Variants in NEXMIF observed in about 807,000 individuals in gnomAD.
NEXMIF encodes neurite extension and migration factor.
NEXMIF carries 8 observed loss-of-function variants against 62.1 expected under a neutral mutation model. The ratio of observed to expected loss-of-function variants is 0.13; its 90% CI spans 0.08 to 0.23. The LOEUF is 0.23. NEXMIF is among the 10% of genes least tolerant of loss of function. The pLI is 1.00. For synonymous variants in NEXMIF, 404 were observed against 416.6 expected (o/e 0.97, Z 0.37); for missense variants, 976 against 1,113.3 (o/e 0.88, Z 1.75).
chrX:74,913,247 A>G (rs944692278), intron 1 of NEXMIF, among the ~76,000 whole-genome samples: 1 of 112,263 alleles, frequency 8.9e-6, no homozygotes, highest in African/African-American at 3.2e-5. Flanking sequence ...TCTCATAAAT[A>G]TAATAATCAA....
At chrX:74,792,219 C>T (rs1397478656) in intron 1 of NEXMIF, among the ~76,000 whole-genome samples, 1 of 111,504 alleles carries the variant, frequency 9.0e-6, no homozygotes, top group Non-Finnish European at 1.9e-5. Flanking sequence ...TTTCTGCCTT[C>T]ATTTCGTTAT....
chrX:74,819,393 T>A (rs1309680240), intron 1 of NEXMIF, among the ~76,000 whole-genome samples: 1 of 111,584 alleles, frequency 9.0e-6, no homozygotes, highest in Non-Finnish European at 1.9e-5. Flanking sequence ...TCAGAGTGAA[T>A]AGGCAACCTA....
chrX:74,850,033 G>T (rs1019676551), intron 1 of NEXMIF, among the ~76,000 whole-genome samples: 1 of 112,315 alleles, frequency 8.9e-6, no homozygotes, highest in African/African-American at 3.2e-5. Context: ...CCACACATAT[G>T]ACTGAGGATT....
At chrX:74,786,623 A>G (rs2080260879) in intron 1 of NEXMIF, among the ~76,000 whole-genome samples, 1 of 111,606 alleles carries the variant, frequency 9.0e-6, no homozygotes, top group Admixed American at 9.5e-5. Flanking sequence ...AATCCAGCAC[A>G]TTCCCCCACA....
intron 1 of NEXMIF, among the ~76,000 whole-genome samples, chrX:74,872,177 C>T (rs1039453959): frequency 9.9e-5 from 11 of 111,125 alleles, no homozygotes; most frequent in Admixed American, 2.9e-4. Flanking sequence ...CCGGTCCCCC[C>T]GTTCAGGGTC....
At chrX:74,882,680 C>A in intron 1 of NEXMIF, among the ~76,000 whole-genome samples, 1 of 112,173 alleles carries the variant, frequency 8.9e-6, no homozygotes, top group Non-Finnish European at 1.9e-5. Context: ...CATCACAGCT[C>A]AAAGAGGCCT....
intron 1 of NEXMIF, among the ~76,000 whole-genome samples, chrX:74,896,882 G>A (rs969532834): frequency 6.2e-5 from 7 of 112,018 alleles, no homozygotes; most frequent in African/African-American, 1.6e-4. Flanking sequence ...CCTAATATCC[G>A]CAGCAAGCAA....
At chrX:74,845,299 AC>A (rs1330157357) in intron 1 of NEXMIF, among the ~76,000 whole-genome samples, 2 of 111,657 alleles carry the variant, frequency 1.8e-5, no homozygotes, top group Non-Finnish European at 3.8e-5. Flanking sequence ...TGTGTTGTTT[AC>A]CCTTTTTAGA....
intron 1 of NEXMIF, among the ~76,000 whole-genome samples, chrX:74,766,060 G>A (rs1368722008): frequency 9.9e-6 from 1 of 100,607 alleles, no homozygotes; most frequent in African/African-American, 3.5e-5. Context: ...AAAAAAAAAT[G>A]TTGAATATAG....
At chrX:74,872,371 A>C (rs1213556045) in intron 1 of NEXMIF, among the ~76,000 whole-genome samples, 3 of 106,864 alleles carry the variant, frequency 2.8e-5, no homozygotes, top group African/African-American at 1.0e-4. Context: ...GAAGCTAAAA[A>C]TCAAAATAAT....
intron 1 of NEXMIF, among the ~76,000 whole-genome samples, chrX:74,751,828 TCCTTCCCTTCCTTCCCTC>T (rs1197900802): frequency 3.2e-5 from 3 of 93,011 alleles, no homozygotes; most frequent in African/African-American, 1.2e-4. Flanking sequence ...TTCCTTCCCT[TCCTTCCCTTCCTTCCCTC>T]CTTCCTTCCT....
At chrX:74,879,620 T>C (rs2080654686) in intron 1 of NEXMIF, among the ~76,000 whole-genome samples, 1 of 112,053 alleles carries the variant, frequency 8.9e-6, no homozygotes, top group African/African-American at 3.2e-5. Context: ...TAAAGACCAC[T>C]CCCATTTCAA....
At chrX:74,840,140 T>C (rs2080469450) in intron 1 of NEXMIF, among the ~76,000 whole-genome samples, 1 of 112,165 alleles carries the variant, frequency 8.9e-6, no homozygotes, top group Non-Finnish European at 1.9e-5. Context: ...CATTGTGGTT[T>C]TGATTTGCAT....
At chrX:74,780,530 G>T (rs1410821964) in intron 1 of NEXMIF, among the ~76,000 whole-genome samples, 2 of 108,105 alleles carry the variant, frequency 1.9e-5, no homozygotes, top group African/African-American at 3.4e-5. Context: ...CACCATGCCT[G>T]GCTAATTTTT....
intron 1 of NEXMIF, among the ~76,000 whole-genome samples, chrX:74,793,882 T>C (rs2080295328): frequency 1.3e-5 from 1 of 77,221 alleles, no homozygotes; most frequent in Non-Finnish European, 2.5e-5. Context: ...TTCTTCTAAA[T>C]TTTTTTCAAA....
At chrX:74,776,973 A>C in intron 1 of NEXMIF, among the ~76,000 whole-genome samples, 1 of 111,070 alleles carries the variant, frequency 9.0e-6, no homozygotes, top group Non-Finnish European at 1.9e-5. Context: ...CACATTAGCG[A>C]CTACTTAAAC....
rs191464211 is a variant in NEXMIF at position 74,739,271 on chromosome X, G to C, written c.*134C>G. 5.6e-4 allele frequency: 236 copies of C among 424,200 alleles called. No homozygotes were observed. The highest frequency in any genetic ancestry group is 5.5e-3 in the African/African-American group (213 of 38,669). The allele number at this position is 424,200 out of a possible 1,213,427, so 35.0% of individuals were successfully genotyped here. A position where few individuals can be genotyped will look rare whatever the true frequency, so the allele number is the denominator to read the frequency against. On this transcript the variant is annotated 3_prime_UTR_variant, in exon 4 of 4. Transcript: ENST00000055682. ...CTTGTGCAACTGTATGACTTTTTAA[G>C]TCTTTTACATAGAACATGAGATTAA...
intron 1 of NEXMIF, among the ~76,000 whole-genome samples, chrX:74,891,222 T>C (rs1394310065): frequency 1.8e-5 from 2 of 111,188 alleles, no homozygotes; most frequent in Admixed American, 1.9e-4. Flanking sequence ...TATGCACACA[T>C]ACAGTGTTGC....
At chrX:74,787,739 G>A (rs1228659406) in intron 1 of NEXMIF, among the ~76,000 whole-genome samples, 1 of 111,879 alleles carries the variant, frequency 8.9e-6, no homozygotes, top group African/African-American at 3.2e-5. Flanking sequence ...CTCTTTGGGC[G>A]AGAGAGCTGT....
Sources: gnomAD v4.1 joint callset for allele counts (sites outside exome capture counted in the v4.1 genomes callset) on GRCh38, gnomAD v4.1.1 for gene constraint, MANE v1.5 for transcripts, NCBI Gene and HGNC (gene_info 2026-07-23, HGNC 2026-07-21) for gene names.